SBK1: variants seen among roughly 807,000 people sequenced by gnomAD.
The protein encoded by SBK1 is serine/threonine-protein kinase SBK1.
SBK1 carries 11 observed loss-of-function variants against 24.4 expected under a neutral mutation model. That is an observed-to-expected ratio of 0.45 (90% CI 0.28 to 0.75). The LOEUF (loss-of-function observed/expected upper bound fraction) is 0.75. Ranked by LOEUF, SBK1 falls within the 30% of genes least tolerant of loss-of-function variation. The pLI, the probability that SBK1 is intolerant of heterozygous loss-of-function variation, is 0.12. For missense variants in SBK1, 467 were observed against 620.5 expected, an observed-to-expected ratio of 0.75 and a Z score of 2.63; for synonymous variants, 308 against 284.4, an observed-to-expected ratio of 1.08 and a Z score of -0.83.
At position 28,319,526 on chromosome 16, in the gene SBK1, G is replaced by A. The variant is rs1209632365; in HGVS notation, c.429+329G>A. On this transcript the variant is annotated intron_variant, in intron 3 of 3. Coordinates refer to ENST00000341901, the MANE Select transcript of SBK1 (RefSeq NM_001024401.3). The surrounding 1 kb of genome is among the most constrained non-coding windows in gnomAD (Gnocchi z 4.0). ...AGATCCACCTGGGAAGGGGCCCTCA[G>A]AGGAAGCGACCCTGGAACCGGGACG... Among the ~76,000 whole-genome samples, 1 of 152,174 alleles carries A rather than the reference G, an allele frequency of 6.6e-6. No homozygotes were observed. The highest frequency in any genetic ancestry group is 1.5e-5 in the Non-Finnish European group (1 of 68,036).
intron 1 of SBK1, among the ~76,000 whole-genome samples, chr16:28,283,523 C>G (rs904888368): frequency 1.6e-4 from 25 of 152,318 alleles, no homozygotes; most frequent in Non-Finnish European, 3.4e-4. Flanking sequence ...AGCTTCTATC[C>G]TACCAGCCTG....
intron 1 of SBK1, among the ~76,000 whole-genome samples, chr16:28,271,085 G>A (rs962152754): frequency 4.0e-5 from 6 of 150,096 alleles, no homozygotes; most frequent in Admixed American, 2.7e-4. Context: ...GGATGGTCTC[G>A]ATCTCCTGAC....
intron 1 of SBK1, among the ~76,000 whole-genome samples, chr16:28,267,450 T>C (rs1308271793): frequency 6.6e-6 from 1 of 152,218 alleles, no homozygotes; most frequent in Non-Finnish European, 1.5e-5. Context: ...GATCTCCCCT[T>C]CTCAAGCTTC....
intron 1 of SBK1, among the ~76,000 whole-genome samples, chr16:28,280,252 TGTATATATAC>T (rs1317332892): frequency 7.0e-6 from 1 of 142,040 alleles, no homozygotes; most frequent in Non-Finnish European, 1.5e-5. Flanking sequence ...CGTATATATC[TGTATATATAC>T]GTATATATGT....
intron 1 of SBK1, among the ~76,000 whole-genome samples, chr16:28,304,063 A>C (rs898631958): frequency 7.9e-5 from 12 of 152,218 alleles, no homozygotes; most frequent in Admixed American, 3.9e-4. Flanking sequence ...GCCTATTTCT[A>C]GACTTTATCA....
chr16:28,307,148 T>C (rs1282753320), intron 1 of SBK1, among the ~76,000 whole-genome samples: 1 of 152,106 alleles, frequency 6.6e-6, no homozygotes, highest in Non-Finnish European at 1.5e-5. Flanking sequence ...TAGAAGAGGT[T>C]GATGATGCCA....
intron 1 of SBK1, among the ~76,000 whole-genome samples, chr16:28,264,148 AAAAC>A (rs1390293891): frequency 6.6e-6 from 1 of 152,198 alleles, no homozygotes; most frequent in East Asian, 1.9e-4. Flanking sequence ...AAATAAAATA[AAAAC>A]AAACAAACAT....
At chr16:28,277,253 G>A (rs780452570) in intron 1 of SBK1, among the ~76,000 whole-genome samples, 4 of 151,998 alleles carry the variant, frequency 2.6e-5, no homozygotes, top group Admixed American at 6.6e-5. Context: ...GAGAGGAAAC[G>A]GATTCATTTG....
rs2044827270 is a variant in SBK1 at position 28,320,052 on chromosome 16, G to A, written c.430-24G>A. 7 of 1,462,076 alleles carry A rather than the reference G, an allele frequency of 4.8e-6. No homozygotes were observed. The highest frequency in any genetic ancestry group is 5.0e-5 in the East Asian group (2 of 40,078). The allele number at this position is 1,462,076 out of a possible 1,614,324, so 90.6% of individuals were successfully genotyped here. A position where few individuals can be genotyped will look rare whatever the true frequency, so the allele number is the denominator to read the frequency against. ...CGGGCGCTGGAGAGCTGGAAACAGC[G>A]CGGCTTCCCCCGGCCGCCCGCAGGT... On this transcript the variant is annotated intron_variant, in intron 3 of 3. Coordinates refer to ENST00000341901, the MANE Select transcript of SBK1 (RefSeq NM_001024401.3). This position sits in a 1 kb window ranked among gnomAD's most constrained non-coding sequence, Gnocchi z 8.5.
At chr16:28,311,477 C>T (rs2044754653) in intron 1 of SBK1, among the ~76,000 whole-genome samples, 1 of 151,968 alleles carries the variant, frequency 6.6e-6, no homozygotes, top group African/African-American at 2.4e-5. Flanking sequence ...GCAGGATCAT[C>T]GCTTGAGGCT....
chr16:28,304,914 A>AT (rs1216056688), intron 1 of SBK1, among the ~76,000 whole-genome samples: 4 of 147,506 alleles, frequency 2.7e-5, no homozygotes, highest in African/African-American at 5.0e-5. Context: ...GGCAGCGGTA[A>AT]TTTTTTTTTT....
At chr16:28,301,211 G>C (rs557173616) in intron 1 of SBK1, among the ~76,000 whole-genome samples, 1 of 152,198 alleles carries the variant, frequency 6.6e-6, no homozygotes, top group Non-Finnish European at 1.5e-5. Flanking sequence ...CACACCCCTG[G>C]GGGCTGCCCC....
intron 1 of SBK1, among the ~76,000 whole-genome samples, chr16:28,305,198 G>A (rs945019302): frequency 1.3e-5 from 2 of 151,864 alleles, no homozygotes; most frequent in Non-Finnish European, 2.9e-5. Context: ...GTTTCTCCCC[G>A]CCAGATCTTT....
At position 28,320,243 on chromosome 16, in the gene SBK1, C is replaced by A; in HGVS notation, c.597C>A (p.Arg199=). Residue 199 remains arginine (R), a synonymous_variant, in exon 4 of 4, where the codon CGC becomes CGA. Transcript: ENST00000341901. The surrounding 1 kb of genome is among the most constrained non-coding windows in gnomAD (Gnocchi z 8.5). ...RVKLADFGMT[R]RVGCRVKRVS... is the part of the protein sequence containing the mutation. ...AGCTGGCCGACTTCGGCATGACGCG[C>A]CGCGTGGGCTGCCGCGTCAAGCGCG... The A allele has an allele frequency of 6.3e-7, 1 of 1,592,168 alleles. No individual in the cohort carries two copies. The highest frequency in any genetic ancestry group is 8.5e-7 in the Non-Finnish European group (1 of 1,174,778).
intron 1 of SBK1, among the ~76,000 whole-genome samples, chr16:28,269,795 G>C (rs1013976960): frequency 6.6e-6 from 1 of 151,926 alleles, no homozygotes; most frequent in East Asian, 2.0e-4. Context: ...AGAATCGCTT[G>C]AACTCGGGAG....
chr16:28,282,603 A>G (rs1466357236), intron 1 of SBK1, among the ~76,000 whole-genome samples: 1 of 148,140 alleles, frequency 6.8e-6, no homozygotes, highest in Non-Finnish European at 1.5e-5. Context: ...GAGTCTTCAC[A>G]TTTTGGGGGC....
In SBK1 at chr16:28,322,713, A is replaced by G. The variant is rs1170741804; in HGVS notation, c.*1792A>G. ...CCTCCACATGCCAGGTAAGTAGCAA[A>G]CCCCCACTCCCTCCAAGGACCAGGT... is the stretch of plus-strand genomic sequence containing the variant. On this transcript the variant is annotated 3_prime_UTR_variant, in exon 4 of 4. Coordinates refer to ENST00000341901, the MANE Select transcript of SBK1 (RefSeq NM_001024401.3). The G allele has an allele frequency of 6.6e-6, 1 of 151,882 alleles. No individual in the cohort carries two copies. Among genetic ancestry groups the G allele is most frequent in the Non-Finnish European group, 1.5e-5 (1 of 67,848 alleles). 9.4% of individuals were successfully genotyped at this position (151,882 alleles called of 1,614,324 possible). A position where few individuals can be genotyped will look rare whatever the true frequency, so the allele number is the denominator to read the frequency against.
intron 1 of SBK1, among the ~76,000 whole-genome samples, chr16:28,261,698 A>G (rs1340427413): frequency 6.6e-6 from 1 of 152,122 alleles, no homozygotes; most frequent in East Asian, 1.9e-4. Flanking sequence ...ACACTCCCAG[A>G]CCCTGCATCG....
rs143499128 is a variant in SBK1, at chr16:28,303,697, T to G, written c.-8+10397T>G. Among the ~76,000 whole-genome samples the G allele has an allele frequency of 2.8e-3, 426 of 151,836 alleles. 2 individuals are homozygous for G. The highest frequency in any genetic ancestry group is 9.9e-3 in the African/African-American group (409 of 41,406). ...TCCTGCCTGCTTTTCAAAAAAAAATTTGTAGAGATGGGATTTCACCATGTT... is the reference window on the plus strand; with the variant it reads ...TCCTGCCTGCTTTTCAAAAAAAAATGTGTAGAGATGGGATTTCACCATGTT... On this transcript the variant is annotated intron_variant, in intron 1 of 3. Transcript: ENST00000341901.
Sources: allele counts gnomAD v4.1 joint callset (sites outside exome capture counted in the v4.1 genomes callset), GRCh38; gene constraint gnomAD v4.1.1; non-coding constraint Gnocchi (gnomAD v3.1); transcripts MANE v1.5; gene names NCBI Gene and HGNC (gene_info 2026-07-23, HGNC 2026-07-21).